Variants in IQGAP2 observed in about 807,000 individuals in gnomAD.
The protein encoded by IQGAP2 is IQ motif containing GTPase activating protein 2, also known as ras GTPase-activating-like protein IQGAP2.
In IQGAP2, 173 loss-of-function variants were observed where a neutral mutation model predicts 201.3. The observed-to-expected ratio is 0.86, with a 90% CI of 0.76 to 0.98. IQGAP2 has a LOEUF of 0.98. Among genes scored for constraint, IQGAP2 ranks in the 50% least tolerant of loss-of-function variants. The pLI, the probability that IQGAP2 is intolerant of heterozygous loss-of-function variation, is 0.00. For missense variants in IQGAP2, 1,687 were observed against 1,864.8 expected, an observed-to-expected ratio of 0.90 and a Z score of 1.76; for synonymous variants, 675 against 673.9, an observed-to-expected ratio of 1.00 and a Z score of -0.03.
chr5:76,417,293 AAATT>A (rs1220396613), intron 1 of IQGAP2, among the ~76,000 whole-genome samples: 2 of 151,914 alleles, frequency 1.3e-5, no homozygotes, highest in African/African-American at 4.8e-5. Context: ...TAAAATAAAT[AAATT>A]AATTATTTTT....
At chr5:76,419,673 C>CTTT (rs57338854) in intron 1 of IQGAP2, among the ~76,000 whole-genome samples, 1 of 141,812 alleles carries the variant, frequency 7.1e-6, no homozygotes. Context: ...CTTTTCTTTT[C>CTTT]TTTTTTTTTT....
At chr5:76,494,389 C>T (rs1756750323) in intron 2 of IQGAP2, among the ~76,000 whole-genome samples, 1 of 152,078 alleles carries the variant, frequency 6.6e-6, no homozygotes, top group Admixed American at 6.6e-5. Flanking sequence ...ATGTTGTAAC[C>T]AGAGGATAAG....
chr5:76,523,797 G>T (rs1029833019), intron 2 of IQGAP2, among the ~76,000 whole-genome samples: 26 of 152,140 alleles, frequency 1.7e-4, no homozygotes, highest in African/African-American at 5.6e-4. Context: ...TGTTTAAATT[G>T]AGATGATTAG....
At chr5:76,592,635 A>G (rs906666376) in intron 8 of IQGAP2, among the ~76,000 whole-genome samples, 1 of 152,072 alleles carries the variant, frequency 6.6e-6, no homozygotes, top group Non-Finnish European at 1.5e-5. Context: ...TCAAAGAGTC[A>G]CCGGGTCTGT....
At chr5:76,564,633 C>G (rs1744614073) in intron 3 of IQGAP2, among the ~76,000 whole-genome samples, 1 of 152,190 alleles carries the variant, frequency 6.6e-6, no homozygotes, top group Non-Finnish European at 1.5e-5. Flanking sequence ...ATCAGATATC[C>G]TATTATTTAA....
At chr5:76,447,169 G>A (rs1429335927) in intron 1 of IQGAP2, among the ~76,000 whole-genome samples, 1 of 152,194 alleles carries the variant, frequency 6.6e-6, no homozygotes, top group Non-Finnish European at 1.5e-5. Context: ...GACAGGACTA[G>A]CTGGATTTCC....
intron 17 of IQGAP2, among the ~76,000 whole-genome samples, chr5:76,649,819 T>G (rs1159496736): frequency 6.6e-6 from 1 of 152,250 alleles, no homozygotes; most frequent in Non-Finnish European, 1.5e-5. Flanking sequence ...GTTCTGCTCC[T>G]GCAGCAGGCT....
intron 13 of IQGAP2, among the ~76,000 whole-genome samples, chr5:76,624,935 G>A (rs747351382): frequency 1.2e-4 from 18 of 152,142 alleles, no homozygotes; most frequent in South Asian, 2.1e-4. Flanking sequence ...TTAGCTGAGC[G>A]TGGTGGCGGG....
intron 2 of IQGAP2, among the ~76,000 whole-genome samples, chr5:76,540,223 C>G (rs1294181487): frequency 6.6e-6 from 1 of 152,136 alleles, no homozygotes; most frequent in African/African-American, 2.4e-5. Flanking sequence ...AATGGAAAGT[C>G]TTACTTTAAA....
chr5:76,539,237 G>A (rs576346959), intron 2 of IQGAP2, among the ~76,000 whole-genome samples: 1 of 152,336 alleles, frequency 6.6e-6, no homozygotes, highest in South Asian at 2.1e-4. Flanking sequence ...AGGGGTTGTA[G>A]GGAACTGAAC....
At chr5:76,549,750 G>A (rs1217162610) in intron 2 of IQGAP2, among the ~76,000 whole-genome samples, 2 of 152,100 alleles carry the variant, frequency 1.3e-5, no homozygotes, top group African/African-American at 4.8e-5. Flanking sequence ...AGCCCTGGGA[G>A]CTCTCTGTGC....
chr5:76,545,255 G>T (rs140216208), intron 2 of IQGAP2, among the ~76,000 whole-genome samples: 1,627 of 152,294 alleles, frequency 0.011, 11 homozygotes, highest in Non-Finnish European at 0.017. Flanking sequence ...CATCATAAAA[G>T]GCAGCTACTG....
chr5:76,502,572 T>G (rs1455395065), intron 2 of IQGAP2, among the ~76,000 whole-genome samples: 2 of 152,190 alleles, frequency 1.3e-5, no homozygotes, highest in African/African-American at 4.8e-5. Flanking sequence ...GTGTCCAACC[T>G]AAATAGTGCT....
chr5:76,485,460 CT>C (rs1756067783), intron 2 of IQGAP2, among the ~76,000 whole-genome samples: 2 of 152,256 alleles, frequency 1.3e-5, no homozygotes, highest in East Asian at 3.9e-4. Context: ...GTAAACAAAC[CT>C]TTTTTCCCCC....
rs534842328 is a variant in IQGAP2, at chr5:76,658,491, C to T, written c.2353C>T (p.Arg785Cys). The change falls in exon 21 of 36, where the codon CGC (arginine) becomes TGC (cysteine). Residue 785 changes from arginine (R) to cysteine (C), a missense_variant. By Grantham distance (180) the Arg-to-Cys change is radical. Coordinates refer to ENST00000274364, the MANE Select transcript of IQGAP2 (RefSeq NM_006633.5). ...TGAAAACCCACCATTAACAGTAATTCGCAAATTTGTATACCTGCTGGACCA... is the reference window on the plus strand; with the variant it reads ...TGAAAACCCACCATTAACAGTAATTTGCAAATTTGTATACCTGCTGGACCA... ...GSENPPLTVI[R>C]KFVYLLDQSD... The T allele has an allele frequency of 8.1e-6, 13 of 1,613,814 alleles. No individual in the cohort carries two copies. The African/African-American group carries it at 1.1e-4, about 13-fold the overall frequency.
rs564248691 is a variant in IQGAP2 at position 76,593,558 on chromosome 5, G to T, written c.907+633G>T. On this transcript the variant is annotated intron_variant, in intron 9 of 35. Coordinates refer to ENST00000274364, the MANE Select transcript of IQGAP2 (RefSeq NM_006633.5). The stretch of plus-strand genomic sequence containing the variant: ...AGGTAATTAAAATAAGCGTATGCAG[G>T]TTGAGATACATCAATTTTTTTATTA... Among the ~76,000 whole-genome samples the T allele has an allele frequency of 9.9e-5, 15 of 152,272 alleles. 1 individual carries two copies. The South Asian group carries it at 3.1e-3, about 32-fold the overall frequency.
intron 5 of IQGAP2, among the ~76,000 whole-genome samples, chr5:76,588,081 G>A (rs73766940): frequency 1.1e-4 from 16 of 151,518 alleles, no homozygotes; most frequent in African/African-American, 3.9e-4. Flanking sequence ...CTTTCTTAAT[G>A]CATTTAATGA....
At chr5:76,550,228 G>C (rs561157299) in intron 2 of IQGAP2, among the ~76,000 whole-genome samples, 4 of 152,236 alleles carry the variant, frequency 2.6e-5, no homozygotes, top group Non-Finnish European at 4.4e-5. Context: ...GAAGAAAAAA[G>C]GGTCATGGGT....
At chr5:76,466,549 A>T (rs1295261100) in intron 2 of IQGAP2, among the ~76,000 whole-genome samples, 1 of 152,198 alleles carries the variant, frequency 6.6e-6, no homozygotes, top group African/African-American at 2.4e-5. Context: ...AAACCCTAAC[A>T]CTTCTGGTAA....
Sources: gnomAD v4.1 joint callset for allele counts (sites outside exome capture counted in the v4.1 genomes callset) on GRCh38, gnomAD v4.1.1 for gene constraint, MANE v1.5 for transcripts, NCBI Gene and HGNC (gene_info 2026-07-23, HGNC 2026-07-21) for gene names.